Variants in MRPL47 observed in about 807,000 individuals in gnomAD.
MRPL47 encodes the protein large ribosomal subunit protein uL29m.
MRPL47 carries 31 observed loss-of-function variants against 34.0 expected under a neutral mutation model. The observed-to-expected ratio is 0.91, with a 90% CI of 0.68 to 1.23. The LOEUF is 1.23. MRPL47 is among the 50% of genes most tolerant of loss of function. The pLI, the probability that MRPL47 is intolerant of heterozygous loss-of-function variation, is 0.00. For missense variants in MRPL47, 328 were observed against 285.8 expected, an observed-to-expected ratio of 1.15 and a Z score of -1.07; for synonymous variants, 106 against 101.6, an observed-to-expected ratio of 1.04 and a Z score of -0.26.
chr3:179,596,434 T>G (rs1399037187), intron 4 of MRPL47, among the ~76,000 whole-genome samples: 1 of 152,226 alleles, frequency 6.6e-6, no homozygotes, highest in African/African-American at 2.4e-5. Context: ...ATGGTCACTT[T>G]CAGCTTCTCT....
chr3:179,598,675 C>T lies in MRPL47; in HGVS notation c.402G>A (p.Lys134=). 1 of 1,604,132 alleles carries T rather than the reference C, an allele frequency of 6.2e-7. No individual in the cohort carries two copies. The highest frequency in any genetic ancestry group is 8.5e-7 in the Non-Finnish European group (1 of 1,171,154). Residue 134 remains lysine (K), a splice_region_variant and synonymous_variant, in exon 4 of 7, where the codon AAG becomes AAA. Coordinates refer to ENST00000476781, the MANE Select transcript of MRPL47 (RefSeq NM_020409.3). ...GTCTCCAGCCTCTCCCAATCCTTAC[C>T]TTATCTAACCGCTCTGGACTTGGCA... ...LPMPSPERLD[K]VVDSMDALDK...
chr3:179,598,423 C>CACACACACACACACAA (rs1718841640), intron 4 of MRPL47, among the ~76,000 whole-genome samples: 1 of 137,302 alleles, frequency 7.3e-6, no homozygotes, highest in East Asian at 2.2e-4. Context: ...CACACACACA[C>CACACACACACACACAA]ACAAACAAAA....
intron 1 of MRPL47, 25 bp downstream of exon 1, chr3:179,604,502 C>A (rs892839870): frequency 5.6e-6 from 9 of 1,599,532 alleles, no homozygotes; most frequent in Middle Eastern, 1.7e-4. Flanking sequence ...GAGAGGTGGG[C>A]AAACCTACTT....
At chr3:179,589,812 G>A (rs1479346511) in intron 6 of MRPL47, among the ~76,000 whole-genome samples, 1 of 152,160 alleles carries the variant, frequency 6.6e-6, no homozygotes, top group East Asian at 1.9e-4. Flanking sequence ...GCTGAACAAA[G>A]TCAAAATGAG....
intron 6 of MRPL47, 74 bp from the exon 7 acceptor site, chr3:179,589,069 T>C (rs1718601371): frequency 2.1e-6 from 3 of 1,409,934 alleles, no homozygotes; most frequent in African/African-American, 2.9e-5. Flanking sequence ...AAAATATGCA[T>C]AAATCAATTA....
At chr3:179,598,607 G>A in intron 4 of MRPL47, 68 bp downstream of exon 4, 1 of 994,198 alleles carries the variant, frequency 1.0e-6, no homozygotes. Flanking sequence ...AAGAAATACA[G>A]GAACCACATA....
At chr3:179,591,914 C>T (rs917767443) in intron 6 of MRPL47, among the ~76,000 whole-genome samples, 11 of 151,180 alleles carry the variant, frequency 7.3e-5, no homozygotes, top group Admixed American at 7.2e-4. Context: ...CTCACTGCAA[C>T]CTCCACCTCC....
At chr3:179,592,928 G>A (rs952619224) in intron 5 of MRPL47, among the ~76,000 whole-genome samples, 189 bp from the exon 6 acceptor site, 60 of 152,112 alleles carry the variant, frequency 3.9e-4, no homozygotes, top group Admixed American at 3.3e-3. Context: ...AGAACCTACC[G>A]AATGAGTTAT....
rs184961308 is a variant in MRPL47, at chr3:179,590,038, C to T, written c.630-1043G>A. 2.6e-5 allele frequency among the ~76,000 whole-genome samples: 4 copies of T among 152,188 alleles called. No homozygotes were observed. In the East Asian group the frequency reaches 7.7e-4, roughly 29 times the overall value. ...GATACTGGATTGATACATTCTCATA[C>T]ATTATTTTAAAAGTTATGTCATGGA... On this transcript the variant is annotated intron_variant, in intron 6 of 6. Coordinates refer to ENST00000476781, the MANE Select transcript of MRPL47 (RefSeq NM_020409.3).
At position 179,598,674 on chromosome 3, in the gene MRPL47, C is replaced by T. The variant is rs1718852213; in HGVS notation, c.402+1G>A. The T allele has an allele frequency of 1.2e-6, 2 of 1,602,064 alleles. No individual in the cohort carries two copies. The highest frequency in any genetic ancestry group is 1.1e-5 in the South Asian group (1 of 90,848). On this transcript the variant is annotated splice_donor_variant, in intron 4 of 6. Coordinates refer to ENST00000476781, the MANE Select transcript of MRPL47 (RefSeq NM_020409.3). LOFTEE classifies it high-confidence loss of function. ...AGTCTCCAGCCTCTCCCAATCCTTA[C>T]CTTATCTAACCGCTCTGGACTTGGC...
chr3:179,590,242 G>A (rs1322690576), intron 6 of MRPL47, among the ~76,000 whole-genome samples: 1 of 152,104 alleles, frequency 6.6e-6, no homozygotes, highest in East Asian at 1.9e-4. Context: ...AGGAGGCTGA[G>A]GCAGGAGAAT....
intron 4 of MRPL47, among the ~76,000 whole-genome samples, chr3:179,597,488 C>T (rs545354258): frequency 6.6e-6 from 1 of 152,114 alleles, no homozygotes; most frequent in Non-Finnish European, 1.5e-5. Flanking sequence ...TTGAAAGCAT[C>T]GAGTAAAAAC....
chr3:179,604,634 T>C lies in MRPL47; in HGVS notation c.-10A>G, dbSNP rs896625114. On this transcript the variant is annotated 5_prime_UTR_variant, in exon 1 of 7. It removes an upstream start codon present in the reference 5' UTR. Coordinates refer to ENST00000476781, the MANE Select transcript of MRPL47 (RefSeq NM_020409.3). The stretch of plus-strand genomic sequence containing the variant: ...AACCGGCCGCAGCCATGTTTTCGCA[T>C]AACTGGCAAAACGCGTTTCCGCCAA... 1.2e-6 allele frequency: 2 copies of C among 1,614,034 alleles called. No individual in the cohort carries two copies. Among genetic ancestry groups the C allele is most frequent in the Admixed American group, 1.7e-5 (1 of 59,968 alleles).
intron 6 of MRPL47, 97 bp downstream of exon 6, chr3:179,592,547 G>A (rs1330301304): frequency 1.4e-6 from 1 of 722,770 alleles, no homozygotes; most frequent in Admixed American, 2.8e-5. Context: ...AAAATTTAAA[G>A]ACAGCTTAAG....
intron 6 of MRPL47, among the ~76,000 whole-genome samples, chr3:179,591,767 C>G (rs1052367377): frequency 4.6e-5 from 7 of 152,058 alleles, no homozygotes; most frequent in Non-Finnish European, 8.8e-5. Flanking sequence ...CATATAGATA[C>G]AAGAATAGAA....
intron 4 of MRPL47, among the ~76,000 whole-genome samples, chr3:179,598,249 T>C (rs1418052847): frequency 1.3e-5 from 2 of 151,950 alleles, no homozygotes; most frequent in Admixed American, 6.6e-5. Flanking sequence ...TAACTTGGCA[T>C]GGTGGTATGT....
intron 4 of MRPL47, among the ~76,000 whole-genome samples, chr3:179,594,367 C>T (rs1396620317): frequency 1.3e-5 from 2 of 152,142 alleles, no homozygotes; most frequent in African/African-American, 4.8e-5. Context: ...AGCAGTCCAT[C>T]CAGATATGAA....
rs1718589131 is a variant in MRPL47, at chr3:179,588,803, TAAC to T, written c.*66_*68del. On this transcript the variant is annotated 3_prime_UTR_variant, in exon 7 of 7. Coordinates refer to ENST00000476781, the MANE Select transcript of MRPL47 (RefSeq NM_020409.3). The stretch of plus-strand genomic sequence containing the variant: ...AAACAGAATTTCTTTATAAACCACT[TAAC>T]ATATTTACTCCTGTACACAGACTAT... The T allele has an allele frequency of 7.0e-7, 1 of 1,425,988 alleles. No individual in the cohort carries two copies. The highest frequency in any genetic ancestry group is 1.4e-5 in the African/African-American group (1 of 69,954). 88.3% of individuals were successfully genotyped at this position (1,425,988 alleles called of 1,614,324 possible). A position where few individuals can be genotyped will look rare whatever the true frequency, so the allele number is the denominator to read the frequency against.
At chr3:179,601,867 C>A (rs79950945) in intron 2 of MRPL47, 77 bp from the exon 3 acceptor site, 33,130 of 916,094 alleles carry the variant, frequency 0.036, 2,466 homozygotes, top group African/African-American at 0.25. Flanking sequence ...CTCTCTAAAC[C>A]TGTCTAAACC....
Sources: gnomAD v4.1 joint callset for allele counts (sites outside exome capture counted in the v4.1 genomes callset) on GRCh38, gnomAD v4.1.1 for gene constraint, MANE v1.5 for transcripts, NCBI Gene and HGNC (gene_info 2026-07-23, HGNC 2026-07-21) for gene names.